ZEB1: variants seen among roughly 807,000 people sequenced by gnomAD.
ZEB1 encodes zinc finger E-box-binding homeobox 1.
A neutral mutation model predicts 84.9 loss-of-function variants in ZEB1; 21 were observed. The ratio of observed to expected loss-of-function variants is 0.25; its 90% CI spans 0.18 to 0.36. The LOEUF (loss-of-function observed/expected upper bound fraction) is 0.36, where lower values mean the gene tolerates loss of function less well. Among genes scored for constraint, ZEB1 ranks in the 10% least tolerant of loss-of-function variants. The probability of loss-of-function intolerance (pLI) is 1.00; values close to 1 mark genes in which losing one functional copy is unlikely to be tolerated. For synonymous variants in ZEB1, 420 were observed against 471.1 expected, an observed-to-expected ratio of 0.89 and a Z score of 1.41; for missense variants, 1,104 against 1,330.2, an observed-to-expected ratio of 0.83 and a Z score of 2.65.
At chr10:31,319,431 A>G in intron 1 of ZEB1, 139 bp downstream of exon 1, 1 of 812,746 alleles carries the variant, frequency 1.2e-6, no homozygotes, top group Non-Finnish European at 2.0e-6. Context: ...AGTAGAAAGT[A>G]GTGCTCTCTG....
At chr10:31,429,941 A>G (rs1310364698) in intron 1 of ZEB1, among the ~76,000 whole-genome samples, 2 of 151,824 alleles carry the variant, frequency 1.3e-5, no homozygotes, top group Non-Finnish European at 2.9e-5. Flanking sequence ...GGGTTTCACC[A>G]TGTTGGACAG....
chr10:31,410,733 G>A (rs910683849), intron 1 of ZEB1, among the ~76,000 whole-genome samples: 11 of 152,142 alleles, frequency 7.2e-5, no homozygotes, highest in Non-Finnish European at 1.3e-4. Context: ...TTAGTCTTGG[G>A]AGGGTATATG....
Position 31,319,310 on chromosome 10 carries a change from C to T in ZEB1, c.58+18C>T, listed in dbSNP as rs747911799. 1.2e-6 allele frequency: 2 copies of T among 1,603,060 alleles called. No homozygotes were observed. The highest frequency in any genetic ancestry group is 1.1e-5 in the South Asian group (1 of 89,076). The stretch of plus-strand genomic sequence containing the variant: ...CAATAACGGTGAGTGGCGGAGGGGA[C>T]CGGGGAGCGGCGGAGTCAGGGGGAG... On this transcript the variant is annotated intron_variant, in intron 1 of 8. Coordinates refer to ENST00000424869, the MANE Select transcript of ZEB1 (RefSeq NM_001174096.2).
intron 1 of ZEB1, among the ~76,000 whole-genome samples, chr10:31,456,445 C>G (rs1207837002): frequency 2.0e-5 from 3 of 152,068 alleles, no homozygotes; most frequent in Non-Finnish European, 4.4e-5. Context: ...CTGTAATACA[C>G]TGTTCAAATA....
At chr10:31,441,578 G>A (rs1362512348) in intron 1 of ZEB1, among the ~76,000 whole-genome samples, 1 of 152,112 alleles carries the variant, frequency 6.6e-6, no homozygotes, top group East Asian at 1.9e-4. Flanking sequence ...AAACTAAAGA[G>A]CTTCTGCACA....
At chr10:31,433,913 A>T (rs1034029441) in intron 1 of ZEB1, among the ~76,000 whole-genome samples, 1 of 152,204 alleles carries the variant, frequency 6.6e-6, no homozygotes, top group Non-Finnish European at 1.5e-5. Flanking sequence ...TATTATAAAA[A>T]TGGTTTTGAC....
chr10:31,482,712 A>G (rs2065203673), intron 2 of ZEB1, among the ~76,000 whole-genome samples: 1 of 152,062 alleles, frequency 6.6e-6, no homozygotes, highest in Non-Finnish European at 1.5e-5. Flanking sequence ...GATCAAAATG[A>G]AGCAAAATCC....
intron 3 of ZEB1, 147 bp from the exon 4 acceptor site, chr10:31,502,201 G>A (rs2068248372): frequency 3.8e-6 from 3 of 794,634 alleles, no homozygotes; most frequent in South Asian, 1.8e-5. Context: ...CAAAATGAGT[G>A]GAATTCATTT....
intron 2 of ZEB1, among the ~76,000 whole-genome samples, chr10:31,465,940 A>G (rs1010338289): frequency 6.6e-6 from 1 of 152,222 alleles, no homozygotes; most frequent in African/African-American, 2.4e-5. Context: ...TTGGAAAAAT[A>G]TGTTCCATGT....
chr10:31,320,855 A>G (rs1488474569), intron 1 of ZEB1, among the ~76,000 whole-genome samples: 1 of 151,950 alleles, frequency 6.6e-6, no homozygotes, highest in Non-Finnish European at 1.5e-5. Flanking sequence ...GCGCAGGGAG[A>G]GCAGCCCCCG....
intron 1 of ZEB1, among the ~76,000 whole-genome samples, chr10:31,348,864 T>C (rs2040806959): frequency 6.6e-6 from 1 of 152,224 alleles, no homozygotes; most frequent in South Asian, 2.1e-4. Context: ...TATTTTTTGA[T>C]ATATGTACAC....
At chr10:31,337,199 G>C (rs192950946) in intron 1 of ZEB1, among the ~76,000 whole-genome samples, 9 of 152,140 alleles carry the variant, frequency 5.9e-5, no homozygotes, top group Admixed American at 5.2e-4. Context: ...AGAATATAGT[G>C]TGATTCCATT....
chr10:31,517,752 T>C lies in ZEB1; in HGVS notation c.794-2374T>C, dbSNP rs191044631. ...GCAATGATAAAATATCAAGATAATT[T>C]TTAACAATAATAATGATAACTAGCA... is the stretch of plus-strand genomic sequence containing the variant. On this transcript the variant is annotated intron_variant, in intron 6 of 8. Coordinates refer to ENST00000424869, the MANE Select transcript of ZEB1 (RefSeq NM_001174096.2). Among the ~76,000 whole-genome samples the C allele has an allele frequency of 1.5e-4, 23 of 152,262 alleles. No homozygotes were observed. In the East Asian group the frequency reaches 4.0e-3, roughly 27 times the overall value.
chr10:31,520,393 A>G lies in ZEB1; in HGVS notation c.1061A>G (p.Tyr354Cys). ...CAAATTAAAACTGAACCTGTGGATT[A>G]TGAATTCAAACCCATAGTGGTTGCT... is the stretch of plus-strand genomic sequence containing the variant. ...VNQIKTEPVD[Y>C]EFKPIVVASG... The change falls in exon 7 of 9, where the codon TAT (tyrosine) becomes TGT (cysteine). Residue 354 changes from tyrosine (Y) to cysteine (C), a missense_variant. Tyr to Cys is a radical substitution (Grantham distance 194, BLOSUM62 -2). Transcript: ENST00000424869. The surrounding 1 kb of genome is among the most constrained non-coding windows in gnomAD (Gnocchi z 5.1). 6.2e-7 allele frequency: 1 copy of G among 1,613,970 alleles called. No homozygotes were observed. Among genetic ancestry groups the G allele is most frequent in the Non-Finnish European group, 8.5e-7 (1 of 1,179,948 alleles).
At chr10:31,478,235 C>T (rs2064527599) in intron 2 of ZEB1, among the ~76,000 whole-genome samples, 1 of 151,854 alleles carries the variant, frequency 6.6e-6, no homozygotes, top group Non-Finnish European at 1.5e-5. Flanking sequence ...ATAAAGTTGC[C>T]AACAAACATT....
intron 2 of ZEB1, among the ~76,000 whole-genome samples, chr10:31,486,355 G>A (rs2065765779): frequency 1.3e-5 from 2 of 151,668 alleles, no homozygotes; most frequent in Non-Finnish European, 3.0e-5. Context: ...AATAAGAGAT[G>A]ATCCACTTTC....
intron 2 of ZEB1, among the ~76,000 whole-genome samples, chr10:31,478,127 T>C (rs1354325275): frequency 6.6e-6 from 1 of 151,832 alleles, no homozygotes; most frequent in Non-Finnish European, 1.5e-5. Flanking sequence ...AGAACTAATA[T>C]CCAGAATCTA....
At chr10:31,467,572 G>A (rs911599736) in intron 2 of ZEB1, among the ~76,000 whole-genome samples, 1 of 152,126 alleles carries the variant, frequency 6.6e-6, no homozygotes, top group African/African-American at 2.4e-5. Flanking sequence ...GTGGTTTATT[G>A]GCTACCTGGG....
chr10:31,372,977 G>C, intron 1 of ZEB1: 1 of 984,196 alleles, frequency 1.0e-6, no homozygotes, highest in Non-Finnish European at 1.2e-6. Context: ...CTTATCAGTT[G>C]GTGGGTGTGG....
Sources: allele counts gnomAD v4.1 joint callset (sites outside exome capture counted in the v4.1 genomes callset), GRCh38; gene constraint gnomAD v4.1.1; non-coding constraint Gnocchi (gnomAD v3.1); transcripts MANE v1.5; gene names NCBI Gene and HGNC (gene_info 2026-07-23, HGNC 2026-07-21).